The following LOC128462377 variants were observed in gnomAD, a reference collection of about 807,000 sequenced individuals.
the LOC128462377 span, among the ~76,000 whole-genome samples, chr16:89,405,769 T>C: frequency 6.6e-6 from 1 of 152,074 alleles, no homozygotes; most frequent in Non-Finnish European, 1.5e-5. Context: ...ACCCTGGGGC[T>C]TAGGGGTCAA....
At chr16:89,384,879 C>CTTTTTTTTTTTTTTTTTTTTTTTTTGTT in the LOC128462377 span, among the ~76,000 whole-genome samples, 1 of 49,910 alleles carries the variant, frequency 2.0e-5, no homozygotes, top group Non-Finnish European at 3.5e-5. Context: ...AAATAGTTTT[C>CTTTTTTTTTTTTTTTTTTTTTTTTTGTT]TTTTTTTTTT....
At chr16:89,352,376 C>T in the LOC128462377 span, among the ~76,000 whole-genome samples, 1 of 151,380 alleles carries the variant, frequency 6.6e-6, no homozygotes, top group African/African-American at 2.4e-5. Context: ...TCAAGGCAGC[C>T]CCCCAAGAAA....
At chr16:89,351,114 CAGAG>C in the LOC128462377 span, among the ~76,000 whole-genome samples, 6 of 152,198 alleles carry the variant, frequency 3.9e-5, no homozygotes, top group Non-Finnish European at 8.8e-5. Context: ...AAGAAGCTCT[CAGAG>C]AGAATGCACG....
At chr16:89,385,406 G>C in the LOC128462377 span, among the ~76,000 whole-genome samples, 3 of 152,286 alleles carry the variant, frequency 2.0e-5, no homozygotes, top group African/African-American at 7.2e-5. Flanking sequence ...TGGGATTACA[G>C]GCGTGAGCCA....
At chr16:89,364,192 C>T in the LOC128462377 span, among the ~76,000 whole-genome samples, 2 of 152,238 alleles carry the variant, frequency 1.3e-5, no homozygotes, top group African/African-American at 4.8e-5. Flanking sequence ...AGGACCCTGC[C>T]ACTTCCACCT....
chr16:89,367,701 T>G, the LOC128462377 span, among the ~76,000 whole-genome samples: 51 of 152,258 alleles, frequency 3.3e-4, 1 homozygote, highest in African/African-American at 1.1e-3. Flanking sequence ...GCAGGTTTTT[T>G]GCAGATTGGT....
At chr16:89,383,321 C>G in the LOC128462377 span, among the ~76,000 whole-genome samples, 1 of 152,248 alleles carries the variant, frequency 6.6e-6, no homozygotes, top group South Asian at 2.1e-4. Context: ...CCATGCCTGC[C>G]TGGCTGCTCT....
the LOC128462377 span, among the ~76,000 whole-genome samples, chr16:89,372,087 G>A: frequency 2.6e-4 from 39 of 152,298 alleles, no homozygotes; most frequent in East Asian, 5.4e-3. Context: ...GGAACCACAA[G>A]GACCACCACG....
the LOC128462377 span, among the ~76,000 whole-genome samples, chr16:89,346,402 G>T: frequency 6.6e-6 from 1 of 152,116 alleles, no homozygotes; most frequent in Non-Finnish European, 1.5e-5. Context: ...GACCAAGCTG[G>T]AGCTAAACAT....
the LOC128462377 span, among the ~76,000 whole-genome samples, chr16:89,412,894 G>C: frequency 6.6e-6 from 1 of 152,196 alleles, no homozygotes; most frequent in East Asian, 1.9e-4. Context: ...GCAGAGGACA[G>C]AGGACAGCAG....
the LOC128462377 span, among the ~76,000 whole-genome samples, chr16:89,408,513 C>T: frequency 6.6e-5 from 10 of 152,376 alleles, no homozygotes; most frequent in African/African-American, 1.9e-4. Flanking sequence ...CTCTGGCACA[C>T]CGCAGGCCAG....
the LOC128462377 span, among the ~76,000 whole-genome samples, chr16:89,320,877 T>TC: frequency 1.3e-5 from 2 of 152,284 alleles, no homozygotes; most frequent in Admixed American, 6.5e-5. Context: ...GGGCTCCACC[T>TC]CCCCTGCAAT....
At chr16:89,324,067 G>C in the LOC128462377 span, 2 of 274,836 alleles carry the variant, frequency 7.3e-6, no homozygotes, top group South Asian at 7.2e-5. Context: ...GGCCAGGGTG[G>C]TCTCCATCTC....
the LOC128462377 span, among the ~76,000 whole-genome samples, chr16:89,379,971 C>A: frequency 6.6e-6 from 1 of 152,142 alleles, no homozygotes; most frequent in African/African-American, 2.4e-5. Context: ...CTCTATTTAC[C>A]AAACACTATT....
chr16:89,337,275 G>A, the LOC128462377 span, among the ~76,000 whole-genome samples: 3 of 151,942 alleles, frequency 2.0e-5, no homozygotes, highest in Admixed American at 6.6e-5. Flanking sequence ...CCAAGGAAAC[G>A]TCAGAAAGGA....
chr16:89,329,989 T>C, the LOC128462377 span, among the ~76,000 whole-genome samples: 1 of 119,408 alleles, frequency 8.4e-6, no homozygotes, highest in Admixed American at 8.4e-5. Context: ...AGTGAGACCT[T>C]GTCTCAAAAA....
chr16:89,395,002 C>A, the LOC128462377 span, among the ~76,000 whole-genome samples: 15 of 152,306 alleles, frequency 9.8e-5, no homozygotes, highest in Non-Finnish European at 1.6e-4. Context: ...GCAAATACAT[C>A]ACGGTATGAT....
chr16:89,410,193 C>A, the LOC128462377 span, among the ~76,000 whole-genome samples: 208 of 152,274 alleles, frequency 1.4e-3, 1 homozygote, highest in African/African-American at 4.7e-3. Context: ...GAATTTCACA[C>A]GGAGCAGGCA....
chr16:89,326,329 T>C, the LOC128462377 span, among the ~76,000 whole-genome samples: 670 of 152,212 alleles, frequency 4.4e-3, 6 homozygotes, highest in African/African-American at 0.016. Flanking sequence ...TCACGCACCG[T>C]TGCTGGGAAT....
Sources: gnomAD v4.1 joint callset for allele counts (sites outside exome capture counted in the v4.1 genomes callset) on GRCh38, gnomAD v4.1.1 for gene constraint, MANE v1.5 for transcripts.